Variants in JARID2 observed in about 807,000 individuals in gnomAD.
JARID2 encodes the protein jumonji and AT-rich interaction domain containing 2, also known as protein Jumonji.
JARID2 carries 21 observed loss-of-function variants against 125.6 expected under a neutral mutation model. That is an observed-to-expected ratio of 0.17 (90% CI 0.12 to 0.24). JARID2 has a LOEUF of 0.24. Ranked by LOEUF, JARID2 falls within the 10% of genes least tolerant of loss-of-function variation. The probability of loss-of-function intolerance (pLI) is 1.00; values close to 1 mark genes in which losing one functional copy is unlikely to be tolerated. For synonymous variants in JARID2, 736 were observed against 661.6 expected (o/e 1.11, Z -1.73); for missense variants, 1,303 against 1,639.6 (o/e 0.79, Z 3.55).
chr6:15,495,979 G>A (rs1307940628), intron 6 of JARID2, among the ~76,000 whole-genome samples, 153 bp from the exon 7 acceptor site: 1 of 152,222 alleles, frequency 6.6e-6, no homozygotes, highest in Non-Finnish European at 1.5e-5. Flanking sequence ...GCTTCTCTTT[G>A]CTGGTATTTC....
intron 3 of JARID2, among the ~76,000 whole-genome samples, chr6:15,432,466 ACAAC>A (rs1561859208): frequency 6.6e-6 from 1 of 151,652 alleles, no homozygotes; most frequent in Non-Finnish European, 1.5e-5. Context: ...AACAACAACA[ACAAC>A]AACAACAACA....
chr6:15,389,226 T>C (rs1163824483), intron 2 of JARID2, among the ~76,000 whole-genome samples: 2 of 152,220 alleles, frequency 1.3e-5, no homozygotes, highest in Non-Finnish European at 2.9e-5. Context: ...AGTGACACGA[T>C]CTCAGCTCAC....
chr6:15,251,566 C>T (rs2127294981), intron 1 of JARID2, among the ~76,000 whole-genome samples: 1 of 152,318 alleles, frequency 6.6e-6, no homozygotes, highest in African/African-American at 2.4e-5. Context: ...CTGGGATGTA[C>T]CTCTGTCCCC....
At chr6:15,279,143 T>C (rs1250045626) in intron 1 of JARID2, among the ~76,000 whole-genome samples, 1 of 134,286 alleles carries the variant, frequency 7.4e-6, no homozygotes, top group African/African-American at 4.0e-5. Flanking sequence ...AATTCATATA[T>C]ACATATATTC....
intron 1 of JARID2, among the ~76,000 whole-genome samples, chr6:15,259,607 T>C (rs2127318920): frequency 6.6e-6 from 1 of 152,308 alleles, no homozygotes; most frequent in East Asian, 1.9e-4. Flanking sequence ...CTTTTGAAGA[T>C]CATAAAATGT....
intron 2 of JARID2, among the ~76,000 whole-genome samples, chr6:15,396,072 A>G (rs768369442): frequency 2.6e-5 from 4 of 152,344 alleles, no homozygotes; most frequent in Admixed American, 1.3e-4. Context: ...AATGTTTTCA[A>G]AATATTCTGA....
rs79720090 is a variant in JARID2 at position 15,345,092 on chromosome 6, A to G, written c.46-29025A>G. On this transcript the variant is annotated intron_variant, in intron 1 of 17. Transcript: ENST00000341776. ...GGAATGATAGTTGGCAGATTTTCCT[A>G]CTGCTTTCCTGTGATGTTTGTTAGA... 7.4e-3 allele frequency among the ~76,000 whole-genome samples: 1,125 copies of G among 152,166 alleles called. 17 individuals are homozygous for G. The highest frequency in any genetic ancestry group is 0.025 in the African/African-American group (1,040 of 41,502).
Position 15,365,055 on chromosome 6 carries a change from A to C in JARID2, c.46-9062A>C, listed in dbSNP as rs142331563. Among the ~76,000 whole-genome samples, 5 of 152,346 alleles carry C rather than the reference A, an allele frequency of 3.3e-5. 1 individual carries two copies. In the East Asian group the frequency reaches 9.6e-4, roughly 29 times the overall value. On this transcript the variant is annotated intron_variant, in intron 1 of 17. Coordinates refer to ENST00000341776, the MANE Select transcript of JARID2 (RefSeq NM_004973.4). ...GTGATTAAAAGATCCAAATATTAGAATTTCTTTGTAAATAAATTAACATAA... is the reference window on the plus strand; with the variant it reads ...GTGATTAAAAGATCCAAATATTAGACTTTCTTTGTAAATAAATTAACATAA...
In JARID2 at chr6:15,516,792, A is replaced by G. The variant is rs533911733; in HGVS notation, c.3451-369A>G. ...AACACAGGATCTCAGGAGCCCTCAG[A>G]ACTCAAGAGATGAGAAATACGCACC... On this transcript the variant is annotated intron_variant, in intron 16 of 17. Coordinates refer to ENST00000341776, the MANE Select transcript of JARID2 (RefSeq NM_004973.4). Among the ~76,000 whole-genome samples the G allele has an allele frequency of 1.7e-4, 26 of 152,300 alleles. No homozygotes were observed. In the East Asian group the frequency reaches 1.7e-3, roughly 10 times the overall value.
At chr6:15,413,870 C>T (rs1266920599) in intron 3 of JARID2, among the ~76,000 whole-genome samples, 1 of 152,204 alleles carries the variant, frequency 6.6e-6, no homozygotes, top group African/African-American at 2.4e-5. Flanking sequence ...CTTAAGATCT[C>T]ACCCTCTCAG....
At position 15,415,210 on chromosome 6, in the gene JARID2, A is replaced by G. The variant is rs565913906; in HGVS notation, c.323+4845A>G. Among the ~76,000 whole-genome samples the G allele has an allele frequency of 2.6e-5, 4 of 152,082 alleles. No homozygotes were observed. In the East Asian group the frequency reaches 7.7e-4, roughly 29 times the overall value. On this transcript the variant is annotated intron_variant, in intron 3 of 17. Coordinates refer to ENST00000341776, the MANE Select transcript of JARID2 (RefSeq NM_004973.4). ...ACAAAATGAAAAGTCTCCCGTGTCTACCTCCCTCTACACAGACATGGCAAC... is the reference window on the plus strand; with the variant it reads ...ACAAAATGAAAAGTCTCCCGTGTCTGCCTCCCTCTACACAGACATGGCAAC...
intron 12 of JARID2, among the ~76,000 whole-genome samples, chr6:15,510,149 C>T (rs921307782): frequency 1.3e-5 from 2 of 152,042 alleles, no homozygotes; most frequent in African/African-American, 4.8e-5. Flanking sequence ...GGCGGTGTTG[C>T]CCTGAGCTGC....
intron 1 of JARID2, among the ~76,000 whole-genome samples, chr6:15,360,722 C>G (rs1763763388): frequency 6.6e-6 from 1 of 152,070 alleles, no homozygotes; most frequent in East Asian, 1.9e-4. Flanking sequence ...CCAGGGCTGT[C>G]TTGGACTCCT....
chr6:15,419,732 C>T (rs953241464), intron 3 of JARID2, among the ~76,000 whole-genome samples: 1 of 152,318 alleles, frequency 6.6e-6, no homozygotes, highest in Non-Finnish European at 1.5e-5. Flanking sequence ...TGCATCATTT[C>T]TGATGAGAAT....
chr6:15,466,178 G>C (rs1446842040), intron 4 of JARID2, among the ~76,000 whole-genome samples: 1 of 152,208 alleles, frequency 6.6e-6, no homozygotes, highest in African/African-American at 2.4e-5. Flanking sequence ...AGAGGGGAGA[G>C]AGGAAGGCTG....
intron 2 of JARID2, among the ~76,000 whole-genome samples, chr6:15,405,650 A>G (rs1412954074): frequency 2.0e-5 from 3 of 152,042 alleles, no homozygotes; most frequent in African/African-American, 4.8e-5. Flanking sequence ...CCTCTCCCCA[A>G]CAAAGGTTTG....
At chr6:15,401,949 G>C (rs1765456439) in intron 2 of JARID2, among the ~76,000 whole-genome samples, 1 of 134,480 alleles carries the variant, frequency 7.4e-6, no homozygotes, top group Non-Finnish European at 1.6e-5. Context: ...AATCCTCTCT[G>C]AATATATTCA....
chr6:15,298,509 GCCT>G (rs1186096233), intron 1 of JARID2, among the ~76,000 whole-genome samples: 1 of 151,760 alleles, frequency 6.6e-6, no homozygotes, highest in Non-Finnish European at 1.5e-5. Context: ...GTGAAACCCC[GCCT>G]CTAGGAAAAA....
chr6:15,430,257 G>GT (rs1313334261), intron 3 of JARID2, among the ~76,000 whole-genome samples: 1 of 152,142 alleles, frequency 6.6e-6, no homozygotes, highest in Non-Finnish European at 1.5e-5. Flanking sequence ...TCTTCCTGGA[G>GT]TTTAGTTATC....
Sources: gnomAD v4.1 joint callset for allele counts (sites outside exome capture counted in the v4.1 genomes callset) on GRCh38, gnomAD v4.1.1 for gene constraint, MANE v1.5 for transcripts, NCBI Gene and HGNC (gene_info 2026-07-23, HGNC 2026-07-21) for gene names.